The following ARHGAP5 variants were observed in gnomAD, a reference collection of about 807,000 sequenced individuals.
ARHGAP5 encodes the protein Rho GTPase activating protein 5, also known as rho GTPase-activating protein 5.
Under a neutral mutation model 116.6 loss-of-function variants are expected in ARHGAP5, and 23 were observed. That is an observed-to-expected ratio of 0.20 (90% CI 0.14 to 0.28). The LOEUF (loss-of-function observed/expected upper bound fraction) is 0.28, where lower values mean the gene tolerates loss of function less well. Ranked by LOEUF, ARHGAP5 falls within the 10% of genes least tolerant of loss-of-function variation. The pLI is 1.00. For missense variants in ARHGAP5, 1,405 were observed against 1,774.8 expected (o/e 0.79, Z 3.74); for synonymous variants, 574 against 602.0 (o/e 0.95, Z 0.68).
chr14:32,090,335 C>A (rs1223479897), intron 1 of ARHGAP5, among the ~76,000 whole-genome samples, 167 bp from the exon 2 acceptor site: 1 of 151,956 alleles, frequency 6.6e-6, no homozygotes, highest in East Asian at 1.9e-4. Context: ...ATTTTGAGGT[C>A]ATCTTGTATT....
At chr14:32,113,016 T>C (rs1400615847) in intron 2 of ARHGAP5, among the ~76,000 whole-genome samples, 1 of 152,238 alleles carries the variant, frequency 6.6e-6, no homozygotes, top group Non-Finnish European at 1.5e-5. Flanking sequence ...TTCTCTTACA[T>C]TTCAGAACTT....
intron 3 of ARHGAP5, 100 bp downstream of exon 3, chr14:32,117,387 T>G (rs1016170089): frequency 1.8e-6 from 2 of 1,107,824 alleles, no homozygotes; most frequent in South Asian, 2.1e-5. Flanking sequence ...ATAGTTCTCA[T>G]TATTAGGATT....
At position 32,121,766 on chromosome 14, in the gene ARHGAP5, AC is replaced by A. The variant is rs372134338; in HGVS notation, c.3865+4486del. ...CAATCACTTTCTATTCCCCACTCTC[AC>A]CCCCCCATCAACTTTCTGCCTTTAC... On this transcript the variant is annotated intron_variant, in intron 3 of 6. Transcript: ENST00000345122. 2.2e-3 allele frequency among the ~76,000 whole-genome samples: 330 copies of A among 150,890 alleles called. 1 individual carries two copies. The highest frequency in any genetic ancestry group is 7.6e-3 in the African/African-American group (314 of 41,066).
At chr14:32,098,155 T>TTCTGAAGA (rs1188331097) in intron 2 of ARHGAP5, among the ~76,000 whole-genome samples, 1 of 152,192 alleles carries the variant, frequency 6.6e-6, no homozygotes, top group Non-Finnish European at 1.5e-5. Context: ...GCATGGACAC[T>TTCTGAAGA]TCTGAAGAAG....
intron 3 of ARHGAP5, among the ~76,000 whole-genome samples, chr14:32,125,777 C>CT (rs1163731927): frequency 2.6e-5 from 4 of 152,004 alleles, no homozygotes; most frequent in Non-Finnish European, 5.9e-5. Context: ...TGTTTGATGT[C>CT]TTTTTTATTT....
chr14:32,106,144 T>C (rs1350940753), intron 2 of ARHGAP5, among the ~76,000 whole-genome samples: 1 of 152,164 alleles, frequency 6.6e-6, no homozygotes, highest in Non-Finnish European at 1.5e-5. Context: ...TTTATTGAGA[T>C]GGAGTCTCAC....
At chr14:32,082,794 CCT>C (rs1368598363) in intron 1 of ARHGAP5, among the ~76,000 whole-genome samples, 1 of 152,236 alleles carries the variant, frequency 6.6e-6, no homozygotes, top group African/African-American at 2.4e-5. Flanking sequence ...CTGGCCTCTG[CCT>C]CTCAAAGTGT....
intron 1 of ARHGAP5, among the ~76,000 whole-genome samples, chr14:32,087,910 C>A (rs1239912716): frequency 6.6e-6 from 1 of 151,940 alleles, no homozygotes; most frequent in East Asian, 1.9e-4. Context: ...TTATTTCTGT[C>A]AAAAAGCTTT....
At chr14:32,079,948 A>T (rs1490283550) in intron 1 of ARHGAP5, among the ~76,000 whole-genome samples, 1 of 152,182 alleles carries the variant, frequency 6.6e-6, no homozygotes, top group Admixed American at 6.5e-5. Flanking sequence ...TTCCTAAAAG[A>T]TACTTGTATT....
At chr14:32,081,961 G>T (rs2041780258) in intron 1 of ARHGAP5, among the ~76,000 whole-genome samples, 1 of 152,254 alleles carries the variant, frequency 6.6e-6, no homozygotes, top group African/African-American at 2.4e-5. Context: ...CGGAACCGGG[G>T]GCATGGTTTT....
At chr14:32,115,970 G>A (rs905067135) in intron 2 of ARHGAP5, among the ~76,000 whole-genome samples, 16 of 150,838 alleles carry the variant, frequency 1.1e-4, no homozygotes, top group African/African-American at 3.7e-4. Flanking sequence ...TCTCCAAGCT[G>A]GGTGATAGAG....
chr14:32,114,031 A>T (rs1879434488), intron 2 of ARHGAP5, among the ~76,000 whole-genome samples: 1 of 152,172 alleles, frequency 6.6e-6, no homozygotes, highest in African/African-American at 2.4e-5. Context: ...GATCGAGACC[A>T]TCCTGGCTAA....
chr14:32,123,714 G>A (rs950422734), intron 3 of ARHGAP5, among the ~76,000 whole-genome samples: 6 of 152,022 alleles, frequency 3.9e-5, no homozygotes, highest in African/African-American at 1.4e-4. Context: ...TCCTTGGCTG[G>A]TGGAGAAAAA....
intron 1 of ARHGAP5, among the ~76,000 whole-genome samples, chr14:32,083,522 C>T (rs377666855): frequency 2.0e-5 from 3 of 152,194 alleles, no homozygotes; most frequent in African/African-American, 7.2e-5. Flanking sequence ...CTTTGAATTC[C>T]TGTTGCATTT....
At chr14:32,119,398 T>G (rs890869450) in intron 3 of ARHGAP5, among the ~76,000 whole-genome samples, 2 of 152,110 alleles carry the variant, frequency 1.3e-5, no homozygotes, top group Non-Finnish European at 2.9e-5. Flanking sequence ...TAATCAGTCC[T>G]CTTATTTAAA....
intron 2 of ARHGAP5, among the ~76,000 whole-genome samples, chr14:32,114,106 T>C: frequency 6.6e-6 from 1 of 152,046 alleles, no homozygotes; most frequent in East Asian, 1.9e-4. Context: ...CACACGCCTG[T>C]AGTCCCAGCT....
chr14:32,155,023 T>C lies in ARHGAP5; in HGVS notation c.*75T>C, dbSNP rs1881832070. The C allele has an allele frequency of 1.6e-6, 2 of 1,264,390 alleles. No individual in the cohort carries two copies. The highest frequency in any genetic ancestry group is 2.2e-6 in the Non-Finnish European group (2 of 905,898). The allele number at this position is 1,264,390 out of a possible 1,614,324, so 78.3% of individuals were successfully genotyped here. Reference sequence around the variant, plus strand: ...ACATGCATGTTTCAGGGTTCAGTAGTATACTTCATGTTTCATACAGATAAT... The same window carrying C: ...ACATGCATGTTTCAGGGTTCAGTAGCATACTTCATGTTTCATACAGATAAT... On this transcript the variant is annotated 3_prime_UTR_variant, in exon 7 of 7. Transcript: ENST00000345122.
Position 32,092,096 on chromosome 14 carries a change from G to A in ARHGAP5, c.1427G>A (p.Gly476Asp), listed in dbSNP as rs537520996. 3 of 1,613,874 alleles carry A rather than the reference G, an allele frequency of 1.9e-6. No individual in the cohort carries two copies. Among genetic ancestry groups the A allele is most frequent in the East Asian group, 2.2e-5 (1 of 44,876 alleles). The change falls in exon 2 of 7, where the codon GGT becomes GAT. Residue 476 changes from glycine to aspartate, a missense_variant. This residue lies in a region of ARHGAP5 where 944 missense variants were observed against 1,095.3 expected (regional missense o/e 0.86). Transcript: ENST00000345122. The surrounding 1 kb of genome is among the most constrained non-coding windows in gnomAD (Gnocchi z 4.1). ...GAGGCTGATAGCAAAGAGGTATATGGTAGGCATCAGCGAGAAATAGTTGAA... is the reference window on the plus strand; with the variant it reads ...GAGGCTGATAGCAAAGAGGTATATGATAGGCATCAGCGAGAAATAGTTGAA... The part of the protein sequence containing the change: ...ITEADSKEVY[G>D]RHQREIVEKA...
chr14:32,137,967 G>A (rs1419195674), intron 3 of ARHGAP5, among the ~76,000 whole-genome samples: 1 of 130,584 alleles, frequency 7.7e-6, no homozygotes, highest in African/African-American at 2.9e-5. Context: ...GTGAGGCTTC[G>A]TCTCAAAAAA....
Sources: gnomAD v4.1 joint callset for allele counts (sites outside exome capture counted in the v4.1 genomes callset) on GRCh38, gnomAD v4.1.1 for gene constraint, gnomAD v4.1.1 regional missense constraint, Gnocchi (gnomAD v3.1) non-coding constraint, MANE v1.5 for transcripts, NCBI Gene and HGNC (gene_info 2026-07-23, HGNC 2026-07-21) for gene names.